Variants in GRIK2 observed in about 807,000 individuals in gnomAD.
GRIK2 encodes glutamate ionotropic receptor kainate type subunit 2.
A neutral mutation model predicts 100.3 loss-of-function variants in GRIK2; 32 were observed. That is an observed-to-expected ratio of 0.32 (90% CI 0.24 to 0.43). GRIK2 has a LOEUF of 0.43. GRIK2 is among the 20% of genes least tolerant of loss of function. The pLI, the probability that GRIK2 is intolerant of heterozygous loss-of-function variation, is 1.00. For synonymous variants in GRIK2, 417 were observed against 389.4 expected (o/e 1.07, Z -0.83); for missense variants, 843 against 1,114.9 (o/e 0.76, Z 3.47).
At chr6:101,447,380 CT>C (rs1407894582) in intron 2 of GRIK2, among the ~76,000 whole-genome samples, 1 of 151,598 alleles carries the variant, frequency 6.6e-6, no homozygotes, top group Non-Finnish European at 1.5e-5. Context: ...CATATTTGCC[CT>C]TTGGATAACA....
At chr6:101,519,300 CGTGTGT>C (rs55646921) in intron 2 of GRIK2, among the ~76,000 whole-genome samples, 15,701 of 140,922 alleles carry the variant, frequency 0.11, 860 homozygotes, top group Middle Eastern at 0.15. Flanking sequence ...CGGAGTTAAA[CGTGTGT>C]GTGTGTGTGT....
intron 2 of GRIK2, among the ~76,000 whole-genome samples, chr6:101,607,907 C>T (rs1333850753): frequency 6.6e-6 from 1 of 151,688 alleles, no homozygotes; most frequent in Non-Finnish European, 1.5e-5. Flanking sequence ...AACCTTTGCC[C>T]ATTCTTCTGA....
rs138663034 is a variant in GRIK2 at position 101,502,970 on chromosome 6, C to T, written c.115+103578C>T. ...CAGCTCCTATTCTCATTCTCTTCCC[C>T]GACACAGGATGGCTGCTCTATTGAG... On this transcript the variant is annotated intron_variant, in intron 2 of 16. Transcript: ENST00000369134. 3.2e-3 allele frequency among the ~76,000 whole-genome samples: 482 copies of T among 152,134 alleles called. 4 individuals carry two copies. Among genetic ancestry groups the T allele is most frequent in the Non-Finnish European group, 5.6e-3 (380 of 67,994 alleles).
intron 7 of GRIK2, among the ~76,000 whole-genome samples, chr6:101,775,748 A>G (rs188371569): frequency 1.3e-5 from 2 of 151,640 alleles, no homozygotes; most frequent in Admixed American, 6.6e-5. Context: ...TTCTTCATAT[A>G]TATATGGAAA....
rs1163155494 is a variant in GRIK2 at position 102,006,146 on chromosome 6, C to T, written c.2086-29195C>T. Among the ~76,000 whole-genome samples the T allele has an allele frequency of 2.6e-5, 4 of 151,668 alleles. No individual in the cohort carries two copies. The East Asian group carries it at 5.8e-4, about 22-fold the overall frequency. The stretch of plus-strand genomic sequence containing the variant: ...GGGGGATACAATTTAGCCCATAGCA[C>T]CAAGAATTCTGCTCAGTAAATATTT... On this transcript the variant is annotated intron_variant, in intron 14 of 16. Transcript: ENST00000369134.
intron 2 of GRIK2, among the ~76,000 whole-genome samples, chr6:101,608,823 A>G (rs73761360): frequency 0.017 from 1,839 of 109,272 alleles, 32 homozygotes; most frequent in Middle Eastern, 0.045. Context: ...GTATGTATGT[A>G]TGTGTGTGTG....
At chr6:101,645,445 C>T (rs1432342772) in intron 4 of GRIK2, among the ~76,000 whole-genome samples, 1 of 151,754 alleles carries the variant, frequency 6.6e-6, no homozygotes, top group Non-Finnish European at 1.5e-5. Context: ...TTTTGAATCT[C>T]ATATGAGACA....
At chr6:101,904,859 G>GGT (rs1333239285) in intron 12 of GRIK2, among the ~76,000 whole-genome samples, 1 of 151,340 alleles carries the variant, frequency 6.6e-6, no homozygotes, top group Non-Finnish European at 1.5e-5. Context: ...CAGTACTCAA[G>GGT]GTGGATTAAT....
chr6:101,394,402 T>C (rs887238137), intron 1 of GRIK2, among the ~76,000 whole-genome samples: 16 of 152,338 alleles, frequency 1.1e-4, no homozygotes, highest in African/African-American at 3.6e-4. Flanking sequence ...TCAAGAACTT[T>C]TAACGAACCA....
intron 7 of GRIK2, among the ~76,000 whole-genome samples, chr6:101,781,276 A>G (rs1779076936): frequency 6.6e-6 from 1 of 152,138 alleles, no homozygotes; most frequent in South Asian, 2.1e-4. Context: ...CTCTGAAAGG[A>G]GTGTGGTGGC....
intron 2 of GRIK2, among the ~76,000 whole-genome samples, chr6:101,579,790 G>A (rs1359282541): frequency 6.6e-6 from 1 of 150,938 alleles, no homozygotes; most frequent in African/African-American, 2.4e-5. Context: ...GGCGGAGGTT[G>A]CAGTGAGCCG....
rs111905308 is a variant in GRIK2, at chr6:101,537,489, A to G, written c.116-84460A>G. On this transcript the variant is annotated intron_variant, in intron 2 of 16. Transcript: ENST00000369134. ...GTGTGTGTGTGTGTTTAAGCAAATC[A>G]GGGAGATTATATGTTGGGGGGAGAC... is the stretch of plus-strand genomic sequence containing the variant. 4.0e-3 allele frequency among the ~76,000 whole-genome samples: 598 copies of G among 150,462 alleles called. 3 individuals carry two copies. Among genetic ancestry groups the G allele is most frequent in the African/African-American group, 0.014 (576 of 41,112 alleles).
At chr6:101,589,890 T>C (rs1322960142) in intron 2 of GRIK2, among the ~76,000 whole-genome samples, 1 of 152,064 alleles carries the variant, frequency 6.6e-6, no homozygotes, top group Non-Finnish European at 1.5e-5. Flanking sequence ...ACTGGATTAT[T>C]TATTTACTAA....
At chr6:101,657,344 C>T (rs569344919) in intron 4 of GRIK2, among the ~76,000 whole-genome samples, 2 of 152,204 alleles carry the variant, frequency 1.3e-5, no homozygotes, top group South Asian at 4.1e-4. Context: ...GTAAGATGTG[C>T]CTCTTTTCCT....
At chr6:101,675,252 A>G (rs1407940340) in intron 4 of GRIK2, among the ~76,000 whole-genome samples, 2 of 152,052 alleles carry the variant, frequency 1.3e-5, no homozygotes, top group African/African-American at 4.8e-5. Flanking sequence ...ATGTATACAT[A>G]CATACAGACA....
At chr6:101,494,971 TTATATATATA>T (rs369006296) in intron 2 of GRIK2, among the ~76,000 whole-genome samples, 15 of 107,984 alleles carry the variant, frequency 1.4e-4, no homozygotes, top group African/African-American at 2.5e-4. Flanking sequence ...ATATATGCAT[TTATATATATA>T]TATATATATA....
chr6:101,978,127 C>T (rs1263694530), intron 14 of GRIK2, among the ~76,000 whole-genome samples: 1 of 151,936 alleles, frequency 6.6e-6, no homozygotes, highest in Non-Finnish European at 1.5e-5. Flanking sequence ...ATAAGCCTAG[C>T]TTCCAGGTGG....
At chr6:101,964,362 T>C (rs1792524644) in intron 14 of GRIK2, among the ~76,000 whole-genome samples, 1 of 152,132 alleles carries the variant, frequency 6.6e-6, no homozygotes. Context: ...GAAGGTCCTC[T>C]GATCCCAGTT....
chr6:101,397,813 T>C (rs1775072807), intron 1 of GRIK2, among the ~76,000 whole-genome samples: 1 of 152,142 alleles, frequency 6.6e-6, no homozygotes, highest in Admixed American at 6.5e-5. Flanking sequence ...AATAGATTAA[T>C]GATAAGATAT....
Sources: gnomAD v4.1 joint callset for allele counts (sites outside exome capture counted in the v4.1 genomes callset) on GRCh38, gnomAD v4.1.1 for gene constraint, MANE v1.5 for transcripts, NCBI Gene and HGNC (gene_info 2026-07-23, HGNC 2026-07-21) for gene names.